PCBP3: variants seen among roughly 807,000 people sequenced by gnomAD.
PCBP3 encodes the protein poly(rC)-binding protein 3.
PCBP3 carries 25 observed loss-of-function variants against 52.7 expected under a neutral mutation model. The observed-to-expected ratio is 0.47, with a 90% confidence interval of 0.35 to 0.66. The LOEUF (loss-of-function observed/expected upper bound fraction) is 0.66. PCBP3 is among the 30% of genes least tolerant of loss of function. PCBP3 has a pLI of 0.01. For synonymous variants in PCBP3, 162 were observed against 183.0 expected, an observed-to-expected ratio of 0.89 and a Z score of 0.93; for missense variants, 391 against 490.3, an observed-to-expected ratio of 0.80 and a Z score of 1.91.
intron 15 of PCBP3, among the ~76,000 whole-genome samples, chr21:45,932,749 G>A (rs2776401): frequency 2.3e-4 from 34 of 145,570 alleles, no homozygotes; most frequent in South Asian, 9.0e-4. Flanking sequence ...ATGAACACCT[G>A]GTCCATGCCA....
intron 2 of PCBP3, among the ~76,000 whole-genome samples, chr21:45,716,798 G>A (rs2148247002): frequency 6.6e-6 from 1 of 152,222 alleles, no homozygotes; most frequent in African/African-American, 2.4e-5. Flanking sequence ...GGAAATGTGA[G>A]TCTTCTGACT....
intron 5 of PCBP3, among the ~76,000 whole-genome samples, chr21:45,863,445 AC>A: frequency 6.6e-6 from 1 of 152,114 alleles, no homozygotes; most frequent in Non-Finnish European, 1.5e-5. Flanking sequence ...CGTGTGTCCT[AC>A]AGGCTCGCCG....
intron 1 of PCBP3, among the ~76,000 whole-genome samples, chr21:45,651,771 G>C (rs2079700330): frequency 6.6e-6 from 1 of 152,180 alleles, no homozygotes. Flanking sequence ...TAGCTCAAAG[G>C]TTGTAAATGT....
At chr21:45,852,823 C>A (rs191796151) in intron 5 of PCBP3, among the ~76,000 whole-genome samples, 1 of 152,172 alleles carries the variant, frequency 6.6e-6, no homozygotes, top group Non-Finnish European at 1.5e-5. Flanking sequence ...CCTCTGACTT[C>A]TGGAAATAGA....
chr21:45,878,061 G>C (rs1403697813), intron 5 of PCBP3, among the ~76,000 whole-genome samples: 1 of 152,252 alleles, frequency 6.6e-6, no homozygotes, highest in Admixed American at 6.5e-5. Context: ...CCGCATTTCT[G>C]TCTGAGGATG....
intron 4 of PCBP3, among the ~76,000 whole-genome samples, chr21:45,795,289 CAGA>C (rs1286884963): frequency 1.3e-5 from 2 of 151,234 alleles, no homozygotes; most frequent in Non-Finnish European, 2.9e-5. Context: ...GAAGGGGACA[CAGA>C]GGACACTTGT....
chr21:45,752,149 C>A (rs897673753), intron 3 of PCBP3, among the ~76,000 whole-genome samples: 2 of 151,928 alleles, frequency 1.3e-5, no homozygotes, highest in African/African-American at 4.8e-5. Flanking sequence ...TATCTTTTAT[C>A]TAGATTTTTA....
At chr21:45,651,717 G>T (rs1278095603) in intron 1 of PCBP3, among the ~76,000 whole-genome samples, 1 of 152,226 alleles carries the variant, frequency 6.6e-6, no homozygotes, top group Non-Finnish European at 1.5e-5. Flanking sequence ...AAAAATCATT[G>T]TGCGTATCAC....
At chr21:45,907,913 T>A (rs912080223) in intron 9 of PCBP3, among the ~76,000 whole-genome samples, 27 of 151,908 alleles carry the variant, frequency 1.8e-4, no homozygotes, top group Non-Finnish European at 3.7e-4. Flanking sequence ...CTTACGAGCC[T>A]GGGGGTCTGG....
intron 2 of PCBP3, among the ~76,000 whole-genome samples, chr21:45,720,266 G>A (rs2084533701): frequency 6.7e-6 from 1 of 149,438 alleles, no homozygotes; most frequent in South Asian, 2.1e-4. Flanking sequence ...TCCCCTCCCT[G>A]TGCCTATATG....
Position 45,930,033 on chromosome 21 carries a change from C to T in PCBP3, c.796+38C>T, listed in dbSNP as rs780633111. 4.2e-6 allele frequency: 6 copies of T among 1,412,660 alleles called. No homozygotes were observed. In the Admixed American group the frequency reaches 6.7e-5, roughly 16 times the overall value. The allele number at this position is 1,412,660 out of a possible 1,614,324, so 87.5% of individuals were successfully genotyped here. ...CCCTTTTCTCACCTCCTTCTCTTCTCACCTGGGGACTTTCTCTTTCTGAGC... is the reference window on the plus strand; with the variant it reads ...CCCTTTTCTCACCTCCTTCTCTTCTTACCTGGGGACTTTCTCTTTCTGAGC... On this transcript the variant is annotated intron_variant, in intron 14 of 17. Transcript: ENST00000681687.
intron 4 of PCBP3, among the ~76,000 whole-genome samples, chr21:45,823,115 T>C (rs892128637): frequency 1.3e-5 from 2 of 152,220 alleles, no homozygotes; most frequent in Non-Finnish European, 2.9e-5. Flanking sequence ...AGGACTCACA[T>C]TGACGTAGTG....
At chr21:45,772,559 A>G (rs920176916) in intron 4 of PCBP3, among the ~76,000 whole-genome samples, 1 of 152,030 alleles carries the variant, frequency 6.6e-6, no homozygotes, top group African/African-American at 2.4e-5. Flanking sequence ...TACTGATTTT[A>G]TTTCCTTTGG....
At chr21:45,739,316 C>G (rs2145967810) in intron 3 of PCBP3, among the ~76,000 whole-genome samples, 1 of 91,396 alleles carries the variant, frequency 1.1e-5, no homozygotes, top group Non-Finnish European at 2.0e-5. Context: ...TGTGCATTGT[C>G]CTCTGGGTGG....
intron 4 of PCBP3, among the ~76,000 whole-genome samples, chr21:45,789,422 A>G (rs1016623932): frequency 6.7e-6 from 1 of 149,106 alleles, no homozygotes; most frequent in Non-Finnish European, 1.5e-5. Context: ...GTGTCTTTTC[A>G]TGTGTGTATG....
intron 3 of PCBP3, chr21:45,752,925 G>A (rs561332563): frequency 1.3e-4 from 19 of 141,620 alleles, no homozygotes; most frequent in Admixed American, 6.7e-4. Context: ...CTTGAGGCCA[G>A]GAGTTCAAGA....
At chr21:45,889,997 G>A (rs2095613250) in intron 5 of PCBP3, among the ~76,000 whole-genome samples, 1 of 152,268 alleles carries the variant, frequency 6.6e-6, no homozygotes, top group Non-Finnish European at 1.5e-5. Context: ...TCCTCCAGTA[G>A]CCCTCAGTAA....
chr21:45,854,868 C>T (rs1406549683), intron 5 of PCBP3, among the ~76,000 whole-genome samples: 3 of 152,170 alleles, frequency 2.0e-5, no homozygotes, highest in South Asian at 2.1e-4. Context: ...CTCTGCCCCG[C>T]GGAATGCAGT....
chr21:45,865,094 G>T lies in PCBP3; in HGVS notation c.10+14999G>T, dbSNP rs551837289. On this transcript the variant is annotated intron_variant, in intron 5 of 17. Transcript: ENST00000681687. ...CTCATTTCATTAAGATGGGGTAGAA[G>T]AATTTAATGTTTTTCATATTTATGA... Among the ~76,000 whole-genome samples the T allele has an allele frequency of 5.9e-5, 9 of 152,334 alleles. No homozygotes were observed. The East Asian group carries it at 1.5e-3, about 26-fold the overall frequency.
Sources: allele counts gnomAD v4.1 joint callset (sites outside exome capture counted in the v4.1 genomes callset), GRCh38; gene constraint gnomAD v4.1.1; transcripts MANE v1.5; gene names NCBI Gene and HGNC (gene_info 2026-07-23, HGNC 2026-07-21).